Variants in MGST1 observed in about 807,000 individuals in gnomAD.
MGST1 encodes microsomal glutathione S-transferase 1, also known as glutathione S-transferase 12.
In MGST1, 5 loss-of-function variants were observed where a neutral mutation model predicts 8.9. The observed-to-expected ratio is 0.56, with a 90% CI of 0.29 to 1.19. MGST1 has a LOEUF of 1.19. MGST1 is among the 50% of genes most tolerant of loss of function. The probability of loss-of-function intolerance (pLI) is 0.08; values close to 1 mark genes in which losing one functional copy is unlikely to be tolerated. For missense variants in MGST1, 182 were observed against 187.4 expected, an observed-to-expected ratio of 0.97 and a Z score of 0.17; for synonymous variants, 54 against 67.8, an observed-to-expected ratio of 0.80 and a Z score of 1.00.
rs1420166037 is a variant in MGST1 at position 16,363,123 on chromosome 12, T to A, written c.222-672T>A. ...ACATTTAGGAAATTCTCTCTTTCTCTCTTTCACCTATCCTACTTTTTGTGT... is the reference window on the plus strand; with the variant it reads ...ACATTTAGGAAATTCTCTCTTTCTCACTTTCACCTATCCTACTTTTTGTGT... On this transcript the variant is annotated intron_variant, in intron 3 of 3. Coordinates refer to ENST00000396210, the MANE Select transcript of MGST1 (RefSeq NM_020300.5). The surrounding 1 kb of genome is among the most constrained non-coding windows in gnomAD (Gnocchi z 4.6). 2 of 152,218 alleles carry A rather than the reference T, an allele frequency of 1.3e-5. No individual in the cohort carries two copies. Among genetic ancestry groups the A allele is most frequent in the African/African-American group, 4.8e-5 (2 of 41,464 alleles). The allele number at this position is 152,218 out of a possible 1,614,324, so 9.4% of individuals were successfully genotyped here.
intron 1 of MGST1, among the ~76,000 whole-genome samples, chr12:16,398,320 A>G (rs1286846440): frequency 6.6e-6 from 1 of 152,202 alleles, no homozygotes; most frequent in Non-Finnish European, 1.5e-5. Context: ...AAAGCTGTTC[A>G]ACAGAAACTG....
intron 4 of MGST1, among the ~76,000 whole-genome samples, chr12:16,446,843 A>G (rs1030334127): frequency 1.3e-5 from 2 of 151,662 alleles, no homozygotes; most frequent in African/African-American, 4.8e-5. Flanking sequence ...TGCTTGGGGA[A>G]CAGAGCCACC....
intron 4 of MGST1, among the ~76,000 whole-genome samples, chr12:16,512,342 T>A (rs1157324368): frequency 6.6e-6 from 1 of 152,170 alleles, no homozygotes; most frequent in Non-Finnish European, 1.5e-5. Flanking sequence ...AACAGGCATT[T>A]AATTAAAATA....
chr12:16,563,960 T>A (rs1218391368), intron 4 of MGST1, among the ~76,000 whole-genome samples: 1 of 152,206 alleles, frequency 6.6e-6, no homozygotes, highest in African/African-American at 2.4e-5. Flanking sequence ...ATGTTCATAG[T>A]AGGCCTTAAG....
intron 4 of MGST1, among the ~76,000 whole-genome samples, chr12:16,486,115 T>A (rs1212702050): frequency 2.0e-5 from 3 of 152,226 alleles, no homozygotes; most frequent in African/African-American, 7.2e-5. Flanking sequence ...GGGACCTCGC[T>A]GAGGCCTTTC....
chr12:16,551,554 G>T (rs1941989686), intron 4 of MGST1, among the ~76,000 whole-genome samples: 1 of 148,844 alleles, frequency 6.7e-6, no homozygotes, highest in Non-Finnish European at 1.5e-5. Flanking sequence ...AAATTCTAAG[G>T]ATATTGAGAT....
intron 1 of MGST1, among the ~76,000 whole-genome samples, chr12:16,412,578 T>G (rs566352857): frequency 6.6e-6 from 1 of 152,326 alleles, no homozygotes; most frequent in East Asian, 1.9e-4. Context: ...GCTCCCATAA[T>G]GCCCACATGT....
chr12:16,399,141 T>C, intron 1 of MGST1: 1 of 850,922 alleles, frequency 1.2e-6, no homozygotes. Context: ...TCCACATAAA[T>C]GGCCCCCGAA....
In MGST1 at chr12:16,448,019, A is replaced by G. The variant is rs527376121; in HGVS notation, n.482+64415A>G. On this transcript the variant is annotated intron_variant and non_coding_transcript_variant, in intron 4 of 4. Coordinates refer to the MGST1 transcript ENST00000538857. Reference sequence around the variant, plus strand: ...ACTGAGTAGGCATTGGGAGTCATCTATGTATGGTAGTAGTTGAAAGACACT... The same window carrying G: ...ACTGAGTAGGCATTGGGAGTCATCTGTGTATGGTAGTAGTTGAAAGACACT... Among the ~76,000 whole-genome samples, 7 of 152,002 alleles carry G rather than the reference A, an allele frequency of 4.6e-5. No homozygotes were observed. In the South Asian group the frequency reaches 6.2e-4, roughly 14 times the overall value.
rs778474118 is a variant in MGST1, at chr12:16,555,762, T to A, written n.483-33766T>A. Among the ~76,000 whole-genome samples, 4 of 152,054 alleles carry A rather than the reference T, an allele frequency of 2.6e-5. No individual in the cohort carries two copies. Among genetic ancestry groups the A allele is most frequent in the Non-Finnish European group, 5.9e-5 (4 of 67,998 alleles). On this transcript the variant is annotated intron_variant and non_coding_transcript_variant, in intron 4 of 4. Transcript: ENST00000538857. This position sits in a 1 kb window ranked among gnomAD's most constrained non-coding sequence, Gnocchi z 5.5. ...CCTAAACACGTCAAATGCTTTCACA[T>A]CTGCATGCCTTTGCACGTTGCTCAA...
intron 4 of MGST1, among the ~76,000 whole-genome samples, chr12:16,443,779 C>T (rs1941057108): frequency 6.6e-6 from 1 of 151,844 alleles, no homozygotes; most frequent in Non-Finnish European, 1.5e-5. Flanking sequence ...TACTTTATTT[C>T]TCTTGGTCTC....
chr12:16,406,031 A>G (rs1045191476), intron 1 of MGST1, among the ~76,000 whole-genome samples: 3 of 152,176 alleles, frequency 2.0e-5, no homozygotes, highest in Non-Finnish European at 2.9e-5. Flanking sequence ...ACCACTCCCT[A>G]TGTTACATAG....
intron 4 of MGST1, among the ~76,000 whole-genome samples, chr12:16,523,339 A>G (rs1477184522): frequency 1.3e-5 from 2 of 152,042 alleles, no homozygotes; most frequent in African/African-American, 2.4e-5. Context: ...AAGTTTTCTC[A>G]TCAGTAAAAT....
exon 4 of MGST1, chr12:16,376,481 C>A: frequency 5.7e-6 from 1 of 173,984 alleles, no homozygotes; most frequent in Non-Finnish European, 1.2e-5. Context: ...CAGAAAAATT[C>A]AGACAGAGAA....
rs543534887 is a variant in MGST1 at position 16,529,289 on chromosome 12, C to A, written n.483-60239C>A. Among the ~76,000 whole-genome samples the A allele has an allele frequency of 4.6e-5, 7 of 152,126 alleles. No homozygotes were observed. In the East Asian group the frequency reaches 1.2e-3, roughly 25 times the overall value. ...TTCCGAGATTACCCAGTATGCTTTA[C>A]AATTCCCTGGTATATTCATTATCCA... On this transcript the variant is annotated intron_variant and non_coding_transcript_variant, in intron 4 of 4. Transcript: ENST00000538857.
At chr12:16,453,596 A>G (rs1413816147) in intron 4 of MGST1, among the ~76,000 whole-genome samples, 1 of 151,940 alleles carries the variant, frequency 6.6e-6, no homozygotes, top group Non-Finnish European at 1.5e-5. Context: ...TGTTAGCTTA[A>G]CAGAAACTCT....
chr12:16,366,110 A>G (rs1940183434), downstream of MGST1, among the ~76,000 whole-genome samples: 2 of 152,160 alleles, frequency 1.3e-5, no homozygotes, highest in Admixed American at 1.3e-4. The surrounding 1 kb of genome is among the most constrained non-coding windows in gnomAD (Gnocchi z 4.0). Context: ...AGCTACTAAT[A>G]TTTGATATTC....
chr12:16,554,167 G>T (rs1403949460), intron 4 of MGST1, among the ~76,000 whole-genome samples: 1 of 152,178 alleles, frequency 6.6e-6, no homozygotes, highest in Non-Finnish European at 1.5e-5. Flanking sequence ...GACTTGAGAA[G>T]TATATGAAAC....
chr12:16,425,648 G>C (rs1940879018), intron 1 of MGST1, among the ~76,000 whole-genome samples: 1 of 152,106 alleles, frequency 6.6e-6, no homozygotes, highest in Admixed American at 6.5e-5. Flanking sequence ...CTACCTCCAT[G>C]ATGACAACAA....
Sources: gnomAD v4.1 joint callset for allele counts (sites outside exome capture counted in the v4.1 genomes callset) on GRCh38, gnomAD v4.1.1 for gene constraint, Gnocchi (gnomAD v3.1) non-coding constraint, MANE v1.5 for transcripts, NCBI Gene and HGNC (gene_info 2026-07-23, HGNC 2026-07-21) for gene names.